EPSTI1: variants seen among roughly 807,000 people sequenced by gnomAD.
EPSTI1 encodes epithelial stromal interaction 1, also known as epithelial-stromal interaction protein 1.
EPSTI1 carries 66 observed loss-of-function variants against 49.9 expected under a neutral mutation model. The ratio of observed to expected loss-of-function variants is 1.32; its 90% confidence interval spans 1.08 to 1.62. The LOEUF (loss-of-function observed/expected upper bound fraction) is 1.62. Among genes scored for constraint, EPSTI1 ranks in the 40% most tolerant of loss-of-function variants. The probability of loss-of-function intolerance (pLI) is 0.00; values close to 1 mark genes in which losing one functional copy is unlikely to be tolerated. For missense variants in EPSTI1, 394 were observed against 365.5 expected (o/e 1.08, Z -0.64); for synonymous variants, 137 against 130.7 (o/e 1.05, Z -0.33).
intron 6 of EPSTI1, among the ~76,000 whole-genome samples, chr13:42,939,257 T>A (rs2038672558): frequency 6.6e-6 from 1 of 152,326 alleles, no homozygotes; most frequent in Admixed American, 6.5e-5. Flanking sequence ...CTATTTTGCC[T>A]TCGTATCATT....
chr13:42,943,140 C>T (rs909597618), intron 6 of EPSTI1, among the ~76,000 whole-genome samples: 5 of 152,312 alleles, frequency 3.3e-5, no homozygotes, highest in South Asian at 2.1e-4. Flanking sequence ...TTTTAAAATA[C>T]GGCTCTTAGA....
At chr13:42,896,626 C>T (rs564137693) in intron 9 of EPSTI1, among the ~76,000 whole-genome samples, 10 of 152,278 alleles carry the variant, frequency 6.6e-5, no homozygotes, top group Non-Finnish European at 1.0e-4. Context: ...TCCCACCTTC[C>T]GTAATCTAGT....
intron 1 of EPSTI1, among the ~76,000 whole-genome samples, chr13:42,986,062 C>T (rs2040072454): frequency 6.6e-6 from 1 of 152,210 alleles, no homozygotes; most frequent in African/African-American, 2.4e-5. Context: ...GCCTGGCAGT[C>T]CTGCAACAGC....
intron 8 of EPSTI1, among the ~76,000 whole-genome samples, chr13:42,903,322 C>CA (rs2153412774): frequency 6.6e-6 from 1 of 151,710 alleles, no homozygotes; most frequent in East Asian, 1.9e-4. Flanking sequence ...GAAAAGAAAA[C>CA]AAAAAATGAG....
chr13:42,953,924 G>A lies in EPSTI1; in HGVS notation c.563+24C>T, dbSNP rs184501067. 366 of 1,597,946 alleles carry A rather than the reference G, an allele frequency of 2.3e-4. No homozygotes were observed. In the African/African-American group the frequency reaches 4.0e-3, roughly 17 times the overall value. On this transcript the variant is annotated intron_variant, in intron 6 of 10. Transcript: ENST00000313624. Reference sequence around the variant, plus strand: ...ATGAACAATCTGCCTATAAAGGCACGAAGTTCTGAAAACATTAACTTACTA... The same window carrying A: ...ATGAACAATCTGCCTATAAAGGCACAAAGTTCTGAAAACATTAACTTACTA...
intron 6 of EPSTI1, among the ~76,000 whole-genome samples, chr13:42,927,475 C>T (rs193289419): frequency 2.0e-3 from 302 of 152,306 alleles, no homozygotes; most frequent in African/African-American, 6.3e-3. Context: ...CTGCTTCCCC[C>T]TAATATTTTA....
At chr13:42,986,467 G>A (rs1195891080) in intron 1 of EPSTI1, among the ~76,000 whole-genome samples, 2 of 152,062 alleles carry the variant, frequency 1.3e-5, no homozygotes, top group South Asian at 2.1e-4. Flanking sequence ...ACCCCTGGCC[G>A]GGAGCAGTGG....
intron 7 of EPSTI1, 80 bp from the exon 8 acceptor site, chr13:42,917,704 AC>A: frequency 9.6e-7 from 1 of 1,037,104 alleles, no homozygotes; most frequent in Non-Finnish European, 1.4e-6. Context: ...CAAGCTGCCT[AC>A]TATAGGCCCG....
intron 3 of EPSTI1, among the ~76,000 whole-genome samples, chr13:42,966,761 A>C: frequency 1.1e-5 from 1 of 88,560 alleles, no homozygotes; most frequent in South Asian, 5.4e-4. Flanking sequence ...CCCGGCCACC[A>C]CCCCGTCTGG....
rs966996990 is a variant in EPSTI1, at chr13:42,900,374, G to C, written c.751C>G (p.Leu251Val). 38 of 1,613,336 alleles carry C rather than the reference G, an allele frequency of 2.4e-5. No homozygotes were observed. The highest frequency in any genetic ancestry group is 3.2e-5 in the Non-Finnish European group (38 of 1,179,652). Residue 251 changes from leucine to valine, a missense_variant, in exon 9 of 11, where the codon CTG becomes GTG. Leu to Val is a conservative substitution (Grantham distance 32). Transcript: ENST00000313624. ...KDEQHQKSEL[L>V]ELKRQQQEQE... ...TCTTGCTGCTGCCGTTTCAGTTCCA[G>C]TAATTCACTCTAGGAACAATAAAAG...
chr13:42,952,031 C>A (rs536280698), intron 6 of EPSTI1, among the ~76,000 whole-genome samples: 1 of 152,140 alleles, frequency 6.6e-6, no homozygotes, highest in Non-Finnish European at 1.5e-5. Flanking sequence ...TTGTAAAATG[C>A]ACCAATCAGT....
At chr13:42,943,698 T>G (rs2038832860) in intron 6 of EPSTI1, among the ~76,000 whole-genome samples, 1 of 152,286 alleles carries the variant, frequency 6.6e-6, no homozygotes, top group African/African-American at 2.4e-5. Flanking sequence ...TACCAATTAT[T>G]AATTGCATAC....
intron 1 of EPSTI1, among the ~76,000 whole-genome samples, chr13:42,979,305 A>C (rs1173285762): frequency 6.6e-6 from 1 of 152,240 alleles, no homozygotes; most frequent in African/African-American, 2.4e-5. Flanking sequence ...CCGGTGGGGC[A>C]CAGTGGCTTA....
intron 1 of EPSTI1, among the ~76,000 whole-genome samples, chr13:42,973,964 C>G (rs2039821187): frequency 6.6e-6 from 1 of 152,168 alleles, no homozygotes; most frequent in South Asian, 2.1e-4. Flanking sequence ...GTGAGATATA[C>G]TGAGGGAGAA....
chr13:42,959,621 A>AGTAGG (rs2039382968), intron 5 of EPSTI1, among the ~76,000 whole-genome samples: 1 of 152,322 alleles, frequency 6.6e-6, no homozygotes, highest in South Asian at 2.1e-4. Flanking sequence ...TATAGCATTA[A>AGTAGG]AACTAACTGT....
At chr13:42,960,855 C>T (rs968832873) in intron 5 of EPSTI1, among the ~76,000 whole-genome samples, 5 of 152,110 alleles carry the variant, frequency 3.3e-5, no homozygotes, top group Non-Finnish European at 5.9e-5. Context: ...TCTCCCTCTC[C>T]CAATTTTAAG....
In EPSTI1 at chr13:42,963,267, A is replaced by T; in HGVS notation, c.477T>A (p.Ile159=). The stretch of plus-strand genomic sequence containing the variant: ...TCCTCCTCCTTACCTTCTCTCTCTG[A>T]ATTGCCTTCATTTTTTGGAGTTCAG... ...EEAELQKMKA[I]QREKSNKLEE... Residue 159 remains isoleucine (I), a synonymous_variant, in exon 5 of 11, where the codon ATT becomes ATA. Coordinates refer to ENST00000313624, the MANE Select transcript of EPSTI1 (RefSeq NM_033255.5). 6.2e-7 allele frequency: 1 copy of T among 1,613,408 alleles called. No individual in the cohort carries two copies. The highest frequency in any genetic ancestry group is 1.1e-5 in the South Asian group (1 of 90,972).
intron 3 of EPSTI1, among the ~76,000 whole-genome samples, chr13:42,964,600 G>A (rs528027459): frequency 2.4e-4 from 36 of 152,260 alleles, no homozygotes; most frequent in African/African-American, 8.2e-4. Flanking sequence ...CAAGGCTCAG[G>A]AGGCTCTCAG....
At chr13:42,986,769 A>AC (rs2040090602) in intron 1 of EPSTI1, among the ~76,000 whole-genome samples, 1 of 142,374 alleles carries the variant, frequency 7.0e-6, no homozygotes, top group East Asian at 2.0e-4. Context: ...AAAAAAAAAA[A>AC]AACAACTTGC....
Sources: allele counts gnomAD v4.1 joint callset (sites outside exome capture counted in the v4.1 genomes callset), GRCh38; gene constraint gnomAD v4.1.1; transcripts MANE v1.5; gene names NCBI Gene and HGNC (gene_info 2026-07-23, HGNC 2026-07-21).